Variants in KLF8 observed in about 807,000 individuals in gnomAD.
KLF8 encodes KLF transcription factor 8.
Under a neutral mutation model 18.2 loss-of-function variants are expected in KLF8, and 10 were observed. The ratio of observed to expected loss-of-function variants is 0.55; its 90% CI spans 0.34 to 0.93. The LOEUF is 0.93. Ranked by LOEUF, KLF8 falls within the 40% of genes least tolerant of loss-of-function variation. The pLI, the probability that KLF8 is intolerant of heterozygous loss-of-function variation, is 0.02. For missense variants in KLF8, 264 were observed against 277.9 expected (o/e 0.95, Z 0.36); for synonymous variants, 109 against 97.3 (o/e 1.12, Z -0.71).
the KLF8 span, among the ~76,000 whole-genome samples, chrX:56,160,791 G>T: frequency 9.0e-6 from 1 of 111,161 alleles, no homozygotes; most frequent in Non-Finnish European, 1.9e-5. Context: ...GTCTCTGCGC[G>T]TGAGATGGGT....
the KLF8 span, among the ~76,000 whole-genome samples, chrX:56,183,649 A>T: frequency 1.5e-3 from 162 of 111,480 alleles, 1 homozygote; most frequent in Admixed American, 0.014. Flanking sequence ...AGTAAAAAAA[A>T]TTTGCAAAAA....
chrX:56,213,712 G>A, the KLF8 span, among the ~76,000 whole-genome samples: 1 of 111,114 alleles, frequency 9.0e-6, no homozygotes, highest in Admixed American at 9.6e-5. Context: ...AACATCTGGT[G>A]GGGGGTACTT....
chrX:56,090,122 C>T, the KLF8 span, among the ~76,000 whole-genome samples: 1 of 111,903 alleles, frequency 8.9e-6, no homozygotes, highest in Non-Finnish European at 1.9e-5. Flanking sequence ...GAAGCACAGG[C>T]TCATCGAAAG....
the KLF8 span, among the ~76,000 whole-genome samples, chrX:56,078,978 C>T: frequency 2.1e-5 from 2 of 95,161 alleles, no homozygotes; most frequent in African/African-American, 3.4e-5. Flanking sequence ...TCTGTGGGAT[C>T]GATGGTGATA....
chrX:56,143,520 A>G, the KLF8 span, among the ~76,000 whole-genome samples: 1 of 112,319 alleles, frequency 8.9e-6, no homozygotes, highest in Non-Finnish European at 1.9e-5. Flanking sequence ...GAGACATAGT[A>G]GGCATTCAAA....
the KLF8 span, among the ~76,000 whole-genome samples, chrX:56,059,736 G>T: frequency 1.8e-5 from 2 of 110,959 alleles, no homozygotes; most frequent in Non-Finnish European, 3.8e-5. Flanking sequence ...TACCAGTACC[G>T]TGCTGTTTTG....
the KLF8 span, among the ~76,000 whole-genome samples, chrX:56,144,647 C>T: frequency 9.7e-6 from 1 of 103,537 alleles, no homozygotes; most frequent in Non-Finnish European, 2.0e-5. Flanking sequence ...CAGCTACTCA[C>T]GAGGCTGAGG....
chrX:55,942,097 G>C, the KLF8 span, among the ~76,000 whole-genome samples: 2 of 111,442 alleles, frequency 1.8e-5, no homozygotes, highest in Non-Finnish European at 3.8e-5. Context: ...ATTCACAATG[G>C]CAAAGACTTG....
chrX:56,258,351 C>G (rs375442878), intron 2 of KLF8, among the ~76,000 whole-genome samples: 1 of 112,107 alleles, frequency 8.9e-6, no homozygotes, highest in Non-Finnish European at 1.9e-5. Flanking sequence ...CGGTTCACCG[C>G]AAGCTCCGCC....
chrX:56,229,773 A>T (rs190391643), upstream of KLF8, among the ~76,000 whole-genome samples: 1 of 111,785 alleles, frequency 8.9e-6, no homozygotes, highest in East Asian at 2.8e-4. Context: ...TTGAGGGTTC[A>T]TCCACTGGAG....
At chrX:56,056,395 G>T in the KLF8 span, among the ~76,000 whole-genome samples, 1 of 109,227 alleles carries the variant, frequency 9.2e-6, no homozygotes, top group East Asian at 2.9e-4. Context: ...CCTTTTATCA[G>T]GCCCCAGCAT....
chrX:56,188,630 C>A, the KLF8 span, among the ~76,000 whole-genome samples: 20 of 111,963 alleles, frequency 1.8e-4, no homozygotes, highest in African/African-American at 6.2e-4. Flanking sequence ...TACTACAATG[C>A]TACAGTAACC....
At chrX:56,079,090 C>A in the KLF8 span, among the ~76,000 whole-genome samples, 1 of 111,145 alleles carries the variant, frequency 9.0e-6, no homozygotes, top group Non-Finnish European at 1.9e-5. Flanking sequence ...TTTCAAAAAA[C>A]CAGCTCCTGG....
chrX:56,072,826 A>G, the KLF8 span, among the ~76,000 whole-genome samples: 1 of 111,490 alleles, frequency 9.0e-6, no homozygotes, highest in African/African-American at 3.3e-5. Context: ...ATCCCAAGCA[A>G]AATCTGTCGC....
At chrX:56,047,870 A>C in the KLF8 span, among the ~76,000 whole-genome samples, 17 of 111,687 alleles carry the variant, frequency 1.5e-4, no homozygotes, top group African/African-American at 3.9e-4. Flanking sequence ...GAACTAGTTT[A>C]CAGTCCCACC....
chrX:56,208,406 G>A, the KLF8 span, among the ~76,000 whole-genome samples: 2 of 110,944 alleles, frequency 1.8e-5, no homozygotes, highest in Admixed American at 9.5e-5. Flanking sequence ...TGTCAATTTT[G>A]TTTAACTTTT....
chrX:55,960,342 C>G, the KLF8 span, among the ~76,000 whole-genome samples: 1 of 110,913 alleles, frequency 9.0e-6, no homozygotes, highest in Non-Finnish European at 1.9e-5. Context: ...CATGGAGAAA[C>G]CCCGTCTCTA....
At chrX:56,046,098 G>A in the KLF8 span, among the ~76,000 whole-genome samples, 1 of 111,572 alleles carries the variant, frequency 9.0e-6, no homozygotes, top group Non-Finnish European at 1.9e-5. Context: ...CATCTTTTGA[G>A]ATGATTGTAT....
At chrX:56,241,631 A>C (rs2147578310) in intron 1 of KLF8, among the ~76,000 whole-genome samples, 1 of 112,114 alleles carries the variant, frequency 8.9e-6, no homozygotes, top group African/African-American at 3.2e-5. Flanking sequence ...CATATATCAT[A>C]GAATGTTATA....
Sources: gnomAD v4.1 joint callset for allele counts (sites outside exome capture counted in the v4.1 genomes callset) on GRCh38, gnomAD v4.1.1 for gene constraint, MANE v1.5 for transcripts, NCBI Gene and HGNC (gene_info 2026-07-23, HGNC 2026-07-21) for gene names.